QTMAN: variants seen among roughly 807,000 people sequenced by gnomAD.
The protein encoded by QTMAN is queuosine-tRNA mannosyltransferase, also known as tRNA-queuosine alpha-mannosyltransferase.
chr2:144,038,167 A>C, the QTMAN span, among the ~76,000 whole-genome samples: 2 of 152,230 alleles, frequency 1.3e-5, no homozygotes, highest in African/African-American at 4.8e-5. Context: ...TGATAAAAAA[A>C]ATTTATTCAT....
At chr2:143,962,587 GTA>G in the QTMAN span, among the ~76,000 whole-genome samples, 1 of 152,110 alleles carries the variant, frequency 6.6e-6, no homozygotes, top group Non-Finnish European at 1.5e-5. Flanking sequence ...CAGTGTCAAG[GTA>G]TCCAGAGTCT....
At chr2:144,204,885 T>C in the QTMAN span, among the ~76,000 whole-genome samples, 1 of 150,888 alleles carries the variant, frequency 6.6e-6, no homozygotes, top group Non-Finnish European at 1.5e-5. Context: ...CAGCAAACTA[T>C]TGCAAGGACA....
chr2:144,189,128 C>T, the QTMAN span, among the ~76,000 whole-genome samples: 129 of 152,250 alleles, frequency 8.5e-4, no homozygotes, highest in South Asian at 2.3e-3. Flanking sequence ...TTAGAAAGAC[C>T]TGCAGGGTAC....
chr2:144,060,261 T>A, the QTMAN span, among the ~76,000 whole-genome samples: 2 of 152,060 alleles, frequency 1.3e-5, no homozygotes, highest in African/African-American at 4.8e-5. Flanking sequence ...CATCTTAATT[T>A]TTTTTTTTCT....
chr2:144,287,483 A>C, the QTMAN span, among the ~76,000 whole-genome samples: 1 of 152,160 alleles, frequency 6.6e-6, no homozygotes, highest in African/African-American at 2.4e-5. Flanking sequence ...TATGAACATA[A>C]TATGTTCTTT....
the QTMAN span, among the ~76,000 whole-genome samples, chr2:144,325,524 A>C: frequency 6.6e-6 from 1 of 152,186 alleles, no homozygotes; most frequent in Non-Finnish European, 1.5e-5. Context: ...AGGAAAAAAA[A>C]AAAATCAAGA....
chr2:144,004,906 G>A, the QTMAN span, among the ~76,000 whole-genome samples: 17 of 152,086 alleles, frequency 1.1e-4, no homozygotes, highest in Admixed American at 7.9e-4. Flanking sequence ...TTTTTTGCCC[G>A]AAGGCTTTAC....
the QTMAN span, among the ~76,000 whole-genome samples, chr2:144,220,677 A>T: frequency 6.6e-6 from 1 of 152,160 alleles, no homozygotes; most frequent in African/African-American, 2.4e-5. Flanking sequence ...TCCCCCTTGC[A>T]TCTCTCTCCA....
chr2:144,150,259 G>A, the QTMAN span, among the ~76,000 whole-genome samples: 1 of 151,824 alleles, frequency 6.6e-6, no homozygotes, highest in African/African-American at 2.4e-5. Context: ...CTAAACTCCT[G>A]GTCTAGATTC....
At chr2:144,131,310 C>T in the QTMAN span, among the ~76,000 whole-genome samples, 11 of 151,804 alleles carry the variant, frequency 7.2e-5, no homozygotes, top group African/African-American at 2.2e-4. Flanking sequence ...ATCAATACTT[C>T]GAAATCTCCC....
At chr2:143,956,341 A>G in the QTMAN span, among the ~76,000 whole-genome samples, 1 of 151,810 alleles carries the variant, frequency 6.6e-6, no homozygotes, top group Non-Finnish European at 1.5e-5. Context: ...CTTTGACTCA[A>G]TGATGCATGC....
At chr2:144,039,658 G>A in the QTMAN span, among the ~76,000 whole-genome samples, 7 of 152,148 alleles carry the variant, frequency 4.6e-5, no homozygotes, top group South Asian at 4.2e-4. Flanking sequence ...TAATGCCATC[G>A]CTTTGATATC....
chr2:144,326,210 A>T, the QTMAN span, among the ~76,000 whole-genome samples: 1 of 152,232 alleles, frequency 6.6e-6, no homozygotes, highest in Non-Finnish European at 1.5e-5. Flanking sequence ...CAACATAGTG[A>T]AAATTATATA....
At chr2:144,251,476 G>C in the QTMAN span, among the ~76,000 whole-genome samples, 4 of 151,906 alleles carry the variant, frequency 2.6e-5, no homozygotes, top group Non-Finnish European at 4.4e-5. Context: ...TCTACATGTA[G>C]AAAAAAATGA....
At chr2:144,333,069 A>T in the QTMAN span, among the ~76,000 whole-genome samples, 14 of 151,484 alleles carry the variant, frequency 9.2e-5, no homozygotes, top group Admixed American at 8.5e-4. Context: ...GAGCTCCTCC[A>T]CAGCTGCTTT....
At chr2:144,117,931 C>T in the QTMAN span, among the ~76,000 whole-genome samples, 13 of 151,746 alleles carry the variant, frequency 8.6e-5, 1 homozygote, top group African/African-American at 1.2e-4. Flanking sequence ...CTATAAGCTC[C>T]ACCTCCTGGG....
At chr2:143,953,459 A>G in the QTMAN span, among the ~76,000 whole-genome samples, 3 of 151,872 alleles carry the variant, frequency 2.0e-5, no homozygotes, top group African/African-American at 7.2e-5. Context: ...TTGACTAAAA[A>G]TTCAGCTCAC....
the QTMAN span, among the ~76,000 whole-genome samples, chr2:144,278,554 T>C: frequency 6.6e-6 from 1 of 151,804 alleles, no homozygotes; most frequent in Non-Finnish European, 1.5e-5. Context: ...TTTTTTTTTT[T>C]TTTAGCTGAT....
At chr2:144,008,592 C>T in the QTMAN span, among the ~76,000 whole-genome samples, 1 of 151,962 alleles carries the variant, frequency 6.6e-6, no homozygotes, top group African/African-American at 2.4e-5. Flanking sequence ...TCCTGAGCCC[C>T]ATCCAGAAAC....
Sources: allele counts gnomAD v4.1 joint callset (sites outside exome capture counted in the v4.1 genomes callset), GRCh38; gene constraint gnomAD v4.1.1; transcripts MANE v1.5; gene names NCBI Gene and HGNC (gene_info 2026-07-23, HGNC 2026-07-21).